EFCAB6: variants seen among roughly 807,000 people sequenced by gnomAD.
The protein encoded by EFCAB6 is EF-hand calcium binding domain 6, also known as EF-hand calcium-binding domain-containing protein 6.
In EFCAB6, 156 loss-of-function variants were observed where a neutral mutation model predicts 169.8. The ratio of observed to expected loss-of-function variants is 0.92; its 90% confidence interval spans 0.81 to 1.05. The LOEUF (loss-of-function observed/expected upper bound fraction) is 1.05. EFCAB6 is among the 50% of genes least tolerant of loss of function. The pLI is 0.00. For missense variants in EFCAB6, 1,800 were observed against 1,829.1 expected (o/e 0.98, Z 0.29); for synonymous variants, 698 against 676.4 (o/e 1.03, Z -0.50).
At chr22:43,794,792 C>T (rs1320469644) in intron 2 of EFCAB6, among the ~76,000 whole-genome samples, 1 of 152,196 alleles carries the variant, frequency 6.6e-6, no homozygotes, top group East Asian at 1.9e-4. Context: ...GCCTTAATAT[C>T]TTAGACAGAC....
intron 20 of EFCAB6, among the ~76,000 whole-genome samples, chr22:43,626,061 ATATG>A (rs535228604): frequency 1.1e-4 from 17 of 151,948 alleles, no homozygotes; most frequent in African/African-American, 3.6e-4. Context: ...GTGTGTATAT[ATATG>A]TATGTGTGTA....
Position 43,795,379 on chromosome 22 carries a change from G to A in EFCAB6, c.-7-13054C>T, listed in dbSNP as rs893678872. ...AGACATTGATCTTTTTATGTTAAATGTTCTTTAATAACCGTGTCATGGCAT... is the reference window on the plus strand; with the variant it reads ...AGACATTGATCTTTTTATGTTAAATATTCTTTAATAACCGTGTCATGGCAT... On this transcript the variant is annotated intron_variant, in intron 2 of 31. Transcript: ENST00000262726. This position sits in a 1 kb window ranked among gnomAD's most constrained non-coding sequence, Gnocchi z 4.2. Among the ~76,000 whole-genome samples the A allele has an allele frequency of 6.6e-6, 1 of 152,156 alleles. No individual in the cohort carries two copies. The highest frequency in any genetic ancestry group is 2.4e-5 in the African/African-American group (1 of 41,418).
chr22:43,586,581 T>C (rs1293033327), intron 24 of EFCAB6, among the ~76,000 whole-genome samples: 1 of 152,042 alleles, frequency 6.6e-6, no homozygotes, highest in Admixed American at 6.5e-5. Context: ...AGAAGGCAAT[T>C]AGCTCAAGTT....
At chr22:43,529,222 C>T (rs560162322) in intron 31 of EFCAB6, among the ~76,000 whole-genome samples, 162 of 152,320 alleles carry the variant, frequency 1.1e-3, no homozygotes, top group Non-Finnish European at 1.7e-3. Context: ...TCACCTTTGC[C>T]TCCCTGAGGG....
At chr22:43,758,929 A>T (rs1002280962) in intron 5 of EFCAB6, among the ~76,000 whole-genome samples, 7 of 152,346 alleles carry the variant, frequency 4.6e-5, no homozygotes, top group East Asian at 1.9e-4. Flanking sequence ...CTTTTAAAAA[A>T]ATATAGGTTC....
intron 10 of EFCAB6, among the ~76,000 whole-genome samples, chr22:43,698,839 A>C (rs1359330047): frequency 1.3e-5 from 2 of 152,210 alleles, no homozygotes; most frequent in Admixed American, 6.5e-5. Context: ...ATTTACAATT[A>C]TCACTCTAGA....
intron 2 of EFCAB6, among the ~76,000 whole-genome samples, chr22:43,789,740 T>C (rs2062208934): frequency 6.6e-6 from 1 of 152,162 alleles, no homozygotes; most frequent in African/African-American, 2.4e-5. Flanking sequence ...GTCTGACTCA[T>C]TCCTTTTTGG....
At chr22:43,808,326 C>T (rs139563463) in intron 2 of EFCAB6, among the ~76,000 whole-genome samples, 229 of 152,246 alleles carry the variant, frequency 1.5e-3, no homozygotes, top group African/African-American at 5.4e-3. Flanking sequence ...GGTGCTGAAA[C>T]GAATCTCCCA....
intron 6 of EFCAB6, among the ~76,000 whole-genome samples, chr22:43,751,242 A>G (rs1014189986): frequency 6.6e-6 from 1 of 152,320 alleles, no homozygotes; most frequent in African/African-American, 2.4e-5. Context: ...CATACACTGT[A>G]TTCCTATACA....
In EFCAB6 at chr22:43,549,827, A is replaced by T. The variant is rs943668282; in HGVS notation, c.3648+5042T>A. Among the ~76,000 whole-genome samples, 3 of 152,246 alleles carry T rather than the reference A, an allele frequency of 2.0e-5. No homozygotes were observed. The East Asian group carries it at 5.8e-4, about 29-fold the overall frequency. ...TTAATACCTCATGAGCAAGTTTGGCATATACCAGGAATTCAAGTTTAGTTT... is the reference window on the plus strand; with the variant it reads ...TTAATACCTCATGAGCAAGTTTGGCTTATACCAGGAATTCAAGTTTAGTTT... On this transcript the variant is annotated intron_variant, in intron 27 of 31. Transcript: ENST00000262726.
chr22:43,784,668 TACATATATACACAC>T (rs1170695441), intron 2 of EFCAB6, among the ~76,000 whole-genome samples: 3 of 68,794 alleles, frequency 4.4e-5, no homozygotes, highest in South Asian at 9.1e-4. Flanking sequence ...TATATACATA[TACATATATACACAC>T]ACACACACAC....
At chr22:43,777,921 G>C (rs1278658046) in intron 3 of EFCAB6, among the ~76,000 whole-genome samples, 2 of 152,170 alleles carry the variant, frequency 1.3e-5, no homozygotes, top group African/African-American at 2.4e-5. Context: ...AATCTTTCTG[G>C]AGGGCAATTT....
chr22:43,611,606 G>C (rs1011985365), intron 21 of EFCAB6, among the ~76,000 whole-genome samples: 4 of 152,100 alleles, frequency 2.6e-5, no homozygotes, highest in African/African-American at 9.7e-5. Flanking sequence ...AGACAAGTCT[G>C]GGAAACATGG....
chr22:43,715,455 T>C (rs2059299829), intron 9 of EFCAB6, among the ~76,000 whole-genome samples: 2 of 152,154 alleles, frequency 1.3e-5, no homozygotes, highest in Admixed American at 1.3e-4. Context: ...ACAGAGAACA[T>C]CCCATAAAAG....
At chr22:43,606,465 T>G (rs1042523539) in intron 22 of EFCAB6, among the ~76,000 whole-genome samples, 2 of 152,228 alleles carry the variant, frequency 1.3e-5, no homozygotes, top group Non-Finnish European at 2.9e-5. Context: ...GAGTGGTTAC[T>G]GCATGCCACG....
chr22:43,575,042 A>C (rs1402895727), intron 26 of EFCAB6, among the ~76,000 whole-genome samples: 3 of 152,232 alleles, frequency 2.0e-5, no homozygotes. Context: ...CAAGGAGACA[A>C]GCACAGAAGG....
chr22:43,683,979 T>C lies in EFCAB6; in HGVS notation c.1143-124A>G, dbSNP rs147930582. On this transcript the variant is annotated intron_variant, in intron 11 of 31. Coordinates refer to ENST00000262726, the MANE Select transcript of EFCAB6 (RefSeq NM_022785.4). ...GAGCTTTCTCTGTGCGTGGCTCTTT[T>C]TCCTGACAGTGTGCTGCACTTGTGG... 4,288 of 688,546 alleles carry C rather than the reference T, an allele frequency of 6.2e-3. 30 individuals are homozygous for C. The highest frequency in any genetic ancestry group is 7.6e-3 in the Non-Finnish European group (3,051 of 400,440). The allele number at this position is 688,546 out of a possible 1,614,324, so 42.7% of individuals were successfully genotyped here.
intron 9 of EFCAB6, 68 bp from the exon 10 acceptor site, chr22:43,711,691 T>C (rs556388405): frequency 6.5e-7 from 1 of 1,534,686 alleles, no homozygotes; most frequent in Non-Finnish European, 8.7e-7. Flanking sequence ...TCAACCATTT[T>C]ATTTTTACCA....
At chr22:43,640,815 T>TA (rs1211583923) in intron 17 of EFCAB6, among the ~76,000 whole-genome samples, 1 of 152,218 alleles carries the variant, frequency 6.6e-6, no homozygotes, top group Non-Finnish European at 1.5e-5. Flanking sequence ...CCAGTGTTTA[T>TA]ACTTGGTATC....
Sources: allele counts gnomAD v4.1 joint callset (sites outside exome capture counted in the v4.1 genomes callset), GRCh38; gene constraint gnomAD v4.1.1; non-coding constraint Gnocchi (gnomAD v3.1); transcripts MANE v1.5; gene names NCBI Gene and HGNC (gene_info 2026-07-23, HGNC 2026-07-21).